The following RPGRIP1 variants were observed in gnomAD, a reference collection of about 807,000 sequenced individuals.
RPGRIP1 encodes RPGR interacting protein 1.
RPGRIP1 carries 128 observed loss-of-function variants against 157.9 expected under a neutral mutation model. That is an observed-to-expected ratio of 0.81 (90% CI 0.70 to 0.94). The LOEUF is 0.94. RPGRIP1 is among the 40% of genes least tolerant of loss of function. The probability of loss-of-function intolerance (pLI) is 0.00; values close to 1 mark genes in which losing one functional copy is unlikely to be tolerated. For synonymous variants in RPGRIP1, 554 were observed against 571.6 expected (o/e 0.97, Z 0.44); for missense variants, 1,486 against 1,545.8 (o/e 0.96, Z 0.65).
chr14:21,333,556 C>T (rs1884005602), intron 20 of RPGRIP1, among the ~76,000 whole-genome samples: 1 of 152,134 alleles, frequency 6.6e-6, no homozygotes, highest in Non-Finnish European at 1.5e-5. Context: ...GAAGAAGGCT[C>T]ATTTCTCCTC....
At position 21,311,909 on chromosome 14, in the gene RPGRIP1, A is replaced by AG; in HGVS notation, c.1018dup (p.Ala340GlyfsTer26). 1 of 1,613,290 alleles carries AG rather than the reference A, an allele frequency of 6.2e-7. No individual in the cohort carries two copies. The highest frequency in any genetic ancestry group is 8.5e-7 in the Non-Finnish European group (1 of 1,179,606). On this transcript the variant is annotated frameshift_variant, in exon 9 of 25. Coordinates refer to ENST00000400017, the MANE Select transcript of RPGRIP1 (RefSeq NM_020366.4). LOFTEE classifies it high-confidence loss of function. Reference sequence around the variant, plus strand: ...GCAGAGCTGAAGGAAGAAAGCAAGAAGGCTGTGAGCTTGAAGAGCCAACTG... The same window carrying AG: ...GCAGAGCTGAAGGAAGAAAGCAAGAAGGGCTGTGAGCTTGAAGAGCCAACTG...
chr14:21,296,853 A>C (rs1474458558), intron 3 of RPGRIP1, among the ~76,000 whole-genome samples: 1 of 151,356 alleles, frequency 6.6e-6, no homozygotes, highest in African/African-American at 2.4e-5. Flanking sequence ...TACTCGGGAG[A>C]CTGAAGCAGA....
intron 10 of RPGRIP1, among the ~76,000 whole-genome samples, chr14:21,316,685 C>T (rs978902404): frequency 2.0e-5 from 3 of 151,756 alleles, no homozygotes; most frequent in Admixed American, 6.6e-5. Flanking sequence ...CAAAGTGTTG[C>T]GATTGCAGGC....
intron 17 of RPGRIP1, 133 bp downstream of exon 17, chr14:21,326,306 G>C: frequency 1.6e-6 from 1 of 623,016 alleles, no homozygotes; most frequent in Non-Finnish European, 2.7e-6. Context: ...TTAGAATATT[G>C]TCAAGAGCAA....
In RPGRIP1 at chr14:21,325,407, C is replaced by T. The variant is rs370401840; in HGVS notation, c.2367+24C>T. ...AGGTGAGAAAAAAGATGTGCCGAGG[C>T]ATCTCAGAGGAGCCTCAGCCAAACA... is the stretch of plus-strand genomic sequence containing the variant. On this transcript the variant is annotated intron_variant, in intron 16 of 24. Transcript: ENST00000400017. 130 of 1,553,250 alleles carry T rather than the reference C, an allele frequency of 8.4e-5. 1 individual carries two copies. The highest frequency in any genetic ancestry group is 3.1e-4 in the South Asian group (26 of 84,178).
chr14:21,322,351 G>T (rs1386052421), intron 14 of RPGRIP1, among the ~76,000 whole-genome samples: 1 of 152,042 alleles, frequency 6.6e-6, no homozygotes, highest in Non-Finnish European at 1.5e-5. Flanking sequence ...TAGAGATGGG[G>T]TTTCACCATG....
chr14:21,301,197 C>T lies in RPGRIP1; in HGVS notation c.450C>T (p.Leu150=). 3 of 1,594,706 alleles carry T rather than the reference C, an allele frequency of 1.9e-6. No homozygotes were observed. The highest frequency in any genetic ancestry group is 2.6e-6 in the Non-Finnish European group (3 of 1,171,588). Residue 150 remains leucine (L), a synonymous_variant, in exon 4 of 25, where the codon CTC becomes CTT. Coordinates refer to ENST00000400017, the MANE Select transcript of RPGRIP1 (RefSeq NM_020366.4). ...QPRVQVGHRQ[L]HTAGAPVPEK... ...GCGTCCAAGTGGGACACAGACAGCT[C>T]CACACAGCCGGTGCACCGGTGCCGG... is the stretch of plus-strand genomic sequence containing the variant.
At chr14:21,315,972 TG>T (rs1413361488) in intron 10 of RPGRIP1, among the ~76,000 whole-genome samples, 10 of 112,048 alleles carry the variant, frequency 8.9e-5, no homozygotes, top group Admixed American at 3.6e-4. Context: ...CTAATTTTTG[TG>T]GTTTTTTTTT....
chr14:21,324,688 A>T lies in RPGRIP1; in HGVS notation c.1833A>T (p.Gly611=). ...SLCLETLPAH[G]DEDKVDISLL... ...GTTTGGAAACACTGCCAGCCCATGG[A>T]GATGAGGATAAAGTGGATATTTCTC... Residue 611 remains glycine (G), a synonymous_variant, in exon 15 of 25, where the codon GGA becomes GGT. Coordinates refer to ENST00000400017, the MANE Select transcript of RPGRIP1 (RefSeq NM_020366.4). 1 of 1,614,026 alleles carries T rather than the reference A, an allele frequency of 6.2e-7. No individual in the cohort carries two copies. Among genetic ancestry groups the T allele is most frequent in the Non-Finnish European group, 8.5e-7 (1 of 1,179,898 alleles).
At chr14:21,320,615 T>C (rs1413621979) in intron 12 of RPGRIP1, among the ~76,000 whole-genome samples, 35 of 145,010 alleles carry the variant, frequency 2.4e-4, no homozygotes, top group Non-Finnish European at 4.2e-4. Flanking sequence ...TTTTTTTTTT[T>C]TGAGATGGAG....
rs766829101 is a variant in RPGRIP1 at position 21,325,837 on chromosome 14, T to C, written c.2374T>C (p.Ser792Pro). 1 of 1,611,526 alleles carries C rather than the reference T, an allele frequency of 6.2e-7. No individual in the cohort carries two copies. The highest frequency in any genetic ancestry group is 2.2e-5 in the East Asian group (1 of 44,874). The change falls in exon 17 of 25, where the codon TCG (serine) becomes CCG (proline). Residue 792 changes from serine (S) to proline (P), a missense_variant. Physicochemically the swap from Ser to Pro is moderately conservative, Grantham distance 74. Transcript: ENST00000400017. ...ATGACCAACATCTTTCCAGTTCAGA[T>C]CGGAGTCTTGGGAACCTCAGAACGA... The part of the protein sequence containing the change: ...GRKAQEEEFR[S>P]ESWEPQNELW...
chr14:21,335,692 G>A (rs566167633), intron 21 of RPGRIP1, among the ~76,000 whole-genome samples: 88 of 152,154 alleles, frequency 5.8e-4, no homozygotes, highest in African/African-American at 1.9e-3. Flanking sequence ...TTAGCCGGGC[G>A]TGGTGGCTGG....
chr14:21,302,382 C>G, intron 4 of RPGRIP1, 106 bp from the exon 5 acceptor site: 1 of 525,596 alleles, frequency 1.9e-6, no homozygotes, highest in Non-Finnish European at 3.0e-6. Flanking sequence ...AAGGGTTTCA[C>G]CCAGGTCTCA....
At chr14:21,291,732 C>T (rs1880538795) in intron 2 of RPGRIP1, among the ~76,000 whole-genome samples, 1 of 151,996 alleles carries the variant, frequency 6.6e-6, no homozygotes, top group African/African-American at 2.4e-5. Flanking sequence ...CAGGTGCACA[C>T]CACCATGCCC....
In RPGRIP1 at chr14:21,326,206, C is replaced by T. The variant is rs529018128; in HGVS notation, c.2710+33C>T. On this transcript the variant is annotated intron_variant, in intron 17 of 24. Transcript: ENST00000400017. The stretch of plus-strand genomic sequence containing the variant: ...TTCGAGGTTATTACATCTTCACGCC[C>T]TCTTCCCAGTGTTGTCTCCCTGTCC... 9.3e-6 allele frequency: 13 copies of T among 1,405,322 alleles called. No homozygotes were observed. The South Asian group carries it at 1.5e-4, about 16-fold the overall frequency. 87.1% of individuals were successfully genotyped at this position (1,405,322 alleles called of 1,614,324 possible).
intron 23 of RPGRIP1, among the ~76,000 whole-genome samples, chr14:21,346,256 A>G (rs1885558056): frequency 6.7e-6 from 1 of 150,290 alleles, no homozygotes; most frequent in Admixed American, 6.6e-5. Context: ...CATACCCAAA[A>G]AAAAATTATT....
intron 23 of RPGRIP1, among the ~76,000 whole-genome samples, chr14:21,346,850 C>G (rs1885623578): frequency 6.6e-6 from 1 of 152,112 alleles, no homozygotes; most frequent in African/African-American, 2.4e-5. Context: ...GTTTTAATTA[C>G]TTTTTGAAAG....
intron 23 of RPGRIP1, among the ~76,000 whole-genome samples, chr14:21,347,753 G>A (rs146087334): frequency 7.2e-5 from 11 of 152,218 alleles, no homozygotes; most frequent in Admixed American, 2.0e-4. Flanking sequence ...TTTAGAGACT[G>A]GGTCTCGTTC....
chr14:21,324,662 T>C lies in RPGRIP1; in HGVS notation c.1807T>C (p.Cys603Arg), dbSNP rs767597417. 6.2e-7 allele frequency: 1 copy of C among 1,614,050 alleles called. No homozygotes were observed. Among genetic ancestry groups the C allele is most frequent in the Admixed American group, 1.7e-5 (1 of 60,030 alleles). ...TTATGGCACCCGACCGTTGTCGTTATGTTTGGAAACACTGCCAGCCCATGG... is the reference window on the plus strand; with the variant it reads ...TTATGGCACCCGACCGTTGTCGTTACGTTTGGAAACACTGCCAGCCCATGG... ...VAYGTRPLSL[C>R]LETLPAHGDE... The change falls in exon 15 of 25, where the codon TGT becomes CGT. Residue 603 changes from cysteine (C) to arginine (R), a missense_variant. Physicochemically the swap from Cys to Arg is radical, Grantham distance 180 (BLOSUM62 -3). Coordinates refer to ENST00000400017, the MANE Select transcript of RPGRIP1 (RefSeq NM_020366.4).
Sources: gnomAD v4.1 joint callset for allele counts (sites outside exome capture counted in the v4.1 genomes callset) on GRCh38, gnomAD v4.1.1 for gene constraint, MANE v1.5 for transcripts, NCBI Gene and HGNC (gene_info 2026-07-23, HGNC 2026-07-21) for gene names.